TRDMT1: variants seen among roughly 807,000 people sequenced by gnomAD.
TRDMT1 encodes tRNA (cytosine(38)-C(5))-methyltransferase.
A neutral mutation model predicts 51.2 loss-of-function variants in TRDMT1; 49 were observed. The ratio of observed to expected loss-of-function variants is 0.96; its 90% CI spans 0.76 to 1.21. The LOEUF is 1.21. TRDMT1 is among the 50% of genes most tolerant of loss of function. The pLI, the probability that TRDMT1 is intolerant of heterozygous loss-of-function variation, is 0.00. For synonymous variants in TRDMT1, 187 were observed against 164.6 expected (o/e 1.14, Z -1.04); for missense variants, 534 against 462.3 (o/e 1.16, Z -1.42).
In TRDMT1 at chr10:17,141,138, T is replaced by C. The variant is rs1230663660; in HGVS notation, c.*7902A>G. On this transcript the variant is annotated 3_prime_UTR_variant, in exon 11 of 11. Coordinates refer to ENST00000377799, the MANE Select transcript of TRDMT1 (RefSeq NM_004412.7). Reference sequence around the variant, plus strand: ...TTGTGTCCCCCGCCCCATGGCAACGTGTCATTTTTCTCCAGCTGCTTTTAT... The same window carrying C: ...TTGTGTCCCCCGCCCCATGGCAACGCGTCATTTTTCTCCAGCTGCTTTTAT... 6.6e-6 allele frequency among the ~76,000 whole-genome samples: 1 copy of C among 152,170 alleles called. No individual in the cohort carries two copies. Among genetic ancestry groups the C allele is most frequent in the African/African-American group, 2.4e-5 (1 of 41,452 alleles).
Position 17,146,702 on chromosome 10 carries a change from G to A in TRDMT1, c.*2338C>T. The A allele has an allele frequency of 4.1e-6, 4 of 985,416 alleles. No homozygotes were observed. The highest frequency in any genetic ancestry group is 4.8e-6 in the Non-Finnish European group (4 of 829,932). The allele number at this position is 985,416 out of a possible 1,614,324, so 61.0% of individuals were successfully genotyped here. On this transcript the variant is annotated 3_prime_UTR_variant, in exon 11 of 11. Coordinates refer to ENST00000377799, the MANE Select transcript of TRDMT1 (RefSeq NM_004412.7). ...AGTTCTCCTGAAAATGAGAAGCTATGTTTTCCAACATCTGAATAAATGTAC... is the reference window on the plus strand; with the variant it reads ...AGTTCTCCTGAAAATGAGAAGCTATATTTTCCAACATCTGAATAAATGTAC...
intron 2 of TRDMT1, among the ~76,000 whole-genome samples, chr10:17,173,499 A>G (rs1842284797): frequency 6.6e-6 from 1 of 152,184 alleles, no homozygotes; most frequent in Non-Finnish European, 1.5e-5. Flanking sequence ...AACTTAATCC[A>G]TAATGAAAAG....
rs1221386705 is a variant in TRDMT1 at position 17,153,386 on chromosome 10, T to A, written c.1075+121A>T. ...CAGAAAGATGCCATAAATGGCATGA[T>A]CAGGAAAGGAAAGAGGTTTCTTGAG... On this transcript the variant is annotated intron_variant, in intron 10 of 10. Coordinates refer to ENST00000377799, the MANE Select transcript of TRDMT1 (RefSeq NM_004412.7). 4 of 1,145,356 alleles carry A rather than the reference T, an allele frequency of 3.5e-6. No homozygotes were observed. The East Asian group carries it at 1.0e-4, about 29-fold the overall frequency. 70.9% of individuals were successfully genotyped at this position (1,145,356 alleles called of 1,614,324 possible).
chr10:17,174,530 A>G (rs1435761603), intron 2 of TRDMT1, 21 bp downstream of exon 2: 2 of 1,530,416 alleles, frequency 1.3e-6, no homozygotes, highest in Non-Finnish European at 1.8e-6. Flanking sequence ...CATACTTATT[A>G]AAACAATGAC....
chr10:17,190,581 A>T (rs973746022), intron 1 of TRDMT1, among the ~76,000 whole-genome samples: 3 of 152,226 alleles, frequency 2.0e-5, no homozygotes, highest in Non-Finnish European at 2.9e-5. Flanking sequence ...AAATAAAAAG[A>T]ACAAAAATGT....
chr10:17,185,455 C>A (rs924733432), intron 1 of TRDMT1, among the ~76,000 whole-genome samples: 1 of 152,172 alleles, frequency 6.6e-6, no homozygotes, highest in African/African-American at 2.4e-5. Flanking sequence ...AATAGGAACA[C>A]TTTTACACTG....
At position 17,144,712 on chromosome 10, in the gene TRDMT1, G is replaced by A. The variant is rs1837954738; in HGVS notation, c.*4328C>T. ...TGAATGGTGATGGAGTTTGGATCTT[G>A]ATTGTGTAAGATTTTGAAGAGCATG... On this transcript the variant is annotated 3_prime_UTR_variant, in exon 11 of 11. Coordinates refer to ENST00000377799, the MANE Select transcript of TRDMT1 (RefSeq NM_004412.7). 2.0e-6 allele frequency: 2 copies of A among 985,402 alleles called. No individual in the cohort carries two copies. The highest frequency in any genetic ancestry group is 4.7e-5 in the South Asian group (1 of 21,290). The allele number at this position is 985,402 out of a possible 1,614,324, so 61.0% of individuals were successfully genotyped here.
At chr10:17,181,130 T>C (rs991073586) in intron 1 of TRDMT1, among the ~76,000 whole-genome samples, 1 of 152,178 alleles carries the variant, frequency 6.6e-6, no homozygotes, top group African/African-American at 2.4e-5. Flanking sequence ...CCTCTACAGC[T>C]AGATGCAGCC....
chr10:17,187,575 C>CA (rs939545866), intron 1 of TRDMT1, among the ~76,000 whole-genome samples: 17 of 152,008 alleles, frequency 1.1e-4, no homozygotes, highest in African/African-American at 4.1e-4. Flanking sequence ...CAAAATGCAA[C>CA]AAAAAAATCC....
Position 17,174,568 on chromosome 10 carries a change from G to A in TRDMT1, c.157C>T (p.Leu53Phe). 2 of 1,612,482 alleles carry A rather than the reference G, an allele frequency of 1.2e-6. No individual in the cohort carries two copies. Among genetic ancestry groups the A allele is most frequent in the African/African-American group, 1.3e-5 (1 of 75,018 alleles). ...TTACTCACTTCAATCGTCTTGGCAA[G>A]TAACTGTGTGTGAGGAAAATTATAC... ...YKYNFPHTQL[L>F]AKTIEGITLE... Residue 53 changes from leucine to phenylalanine, a missense_variant, in exon 2 of 11, where the codon CTT (leucine) becomes TTT (phenylalanine). Transcript: ENST00000377799.
At chr10:17,169,573 C>G (rs543811940) in intron 2 of TRDMT1, 10 of 1,274,776 alleles carry the variant, frequency 7.8e-6, no homozygotes, top group Non-Finnish European at 1.0e-5. Context: ...GGGAAGCACA[C>G]GTCAGGGGTT....
At position 17,146,452 on chromosome 10, in the gene TRDMT1, A is replaced by AC. The variant is rs1434708228; in HGVS notation, c.*2587dup. The AC allele has an allele frequency of 5.1e-6, 5 of 985,006 alleles. No individual in the cohort carries two copies. The highest frequency in any genetic ancestry group is 1.2e-4 in the Admixed American group (2 of 16,222). The allele number at this position is 985,006 out of a possible 1,614,324, so 61.0% of individuals were successfully genotyped here. ...CTGACCCCTCCTACAATGACTACCC[A>AC]CCTCTTCGAAATCATTTTCCAACTA... On this transcript the variant is annotated 3_prime_UTR_variant, in exon 11 of 11. Transcript: ENST00000377799.
At position 17,162,169 on chromosome 10, in the gene TRDMT1, G is replaced by A; in HGVS notation, c.320C>T (p.Pro107Leu). The A allele has an allele frequency of 6.2e-7, 1 of 1,608,782 alleles. No homozygotes were observed. The highest frequency in any genetic ancestry group is 8.5e-7 in the Non-Finnish European group (1 of 1,177,084). Residue 107 changes from proline (P) to leucine (L), a missense_variant, in exon 4 of 11, where the codon CCA becomes CTA. Physicochemically the swap from Pro to Leu is moderately conservative, Grantham distance 98 (BLOSUM62 -3). Coordinates refer to ENST00000377799, the MANE Select transcript of TRDMT1 (RefSeq NM_004412.7). ...NSFLHILDIL[P>L]RLQKLPKYIL... ...GTACAGGAACCTAAGTTTTTACCTT[G>A]GGAGAATATCTAGAATATGTAAGAA...
Position 17,145,688 on chromosome 10 carries a change from G to A in TRDMT1, c.*3352C>T. On this transcript the variant is annotated 3_prime_UTR_variant, in exon 11 of 11. Transcript: ENST00000377799. ...TTTGTCTATGTGGGATTAAAATTTGGTCCTTATTGTGTTATCTTGGCTTTT... is the reference window on the plus strand; with the variant it reads ...TTTGTCTATGTGGGATTAAAATTTGATCCTTATTGTGTTATCTTGGCTTTT... 2.0e-6 allele frequency: 2 copies of A among 985,408 alleles called. No homozygotes were observed. The highest frequency in any genetic ancestry group is 2.4e-6 in the Non-Finnish European group (2 of 829,936). 61.0% of individuals were successfully genotyped at this position (985,408 alleles called of 1,614,324 possible). A position where few individuals can be genotyped will look rare whatever the true frequency, so the allele number is the denominator to read the frequency against.
In TRDMT1 at chr10:17,161,513, T is replaced by G. The variant is rs771272604; in HGVS notation, c.359A>C (p.Asn120Thr). 1.5e-6 allele frequency: 2 copies of G among 1,351,484 alleles called. No homozygotes were observed. The highest frequency in any genetic ancestry group is 1.0e-6 in the Non-Finnish European group (1 of 998,852). The allele number at this position is 1,351,484 out of a possible 1,614,324, so 83.7% of individuals were successfully genotyped here. The change falls in exon 5 of 11, where the codon AAT (asparagine) becomes ACT (threonine). Residue 120 changes from asparagine (N) to threonine (T), a missense_variant. Physicochemically the swap from Asn to Thr is moderately conservative, Grantham distance 65. Transcript: ENST00000377799. ...QKLPKYILLE[N>T]VKGFEVSSTR... ...AGAAGATACTTCAAAACCTTTAACA[T>G]TTTCCAAAAGAATATACTTTGGTAA...
intron 3 of TRDMT1, among the ~76,000 whole-genome samples, chr10:17,163,824 T>C (rs1840770622): frequency 6.6e-6 from 1 of 152,122 alleles, no homozygotes; most frequent in South Asian, 2.1e-4. Flanking sequence ...CAGGAAGAAG[T>C]TGAATCTCTG....
intron 1 of TRDMT1, among the ~76,000 whole-genome samples, chr10:17,179,431 G>A (rs2038575): frequency 0.14 from 20,819 of 151,906 alleles, 1,524 homozygotes; most frequent in Admixed American, 0.17. Flanking sequence ...AAGAATATAG[G>A]TAACGAACGC....
Position 17,139,147 on chromosome 10 carries a change from A to T in TRDMT1, c.*9893T>A. On this transcript the variant is annotated 3_prime_UTR_variant, in exon 11 of 11. Coordinates refer to ENST00000377799, the MANE Select transcript of TRDMT1 (RefSeq NM_004412.7). ...AAGCTTGGTTTCCAAGGTGTGAAGC[A>T]ATGAAGCGGAGTTTACCATAGGTGA... 2 of 983,722 alleles carry T rather than the reference A, an allele frequency of 2.0e-6. No individual in the cohort carries two copies. Among genetic ancestry groups the T allele is most frequent in the Non-Finnish European group, 2.4e-6 (2 of 828,334 alleles). The allele number at this position is 983,722 out of a possible 1,614,324, so 60.9% of individuals were successfully genotyped here. A position where few individuals can be genotyped will look rare whatever the true frequency, so the allele number is the denominator to read the frequency against.
intron 1 of TRDMT1, among the ~76,000 whole-genome samples, chr10:17,198,586 C>T (rs992995246): frequency 2.6e-5 from 4 of 152,032 alleles, no homozygotes; most frequent in African/African-American, 4.8e-5. Flanking sequence ...ATGTGTGGTA[C>T]GCAGAGTAGA....
Sources: gnomAD v4.1 joint callset for allele counts (sites outside exome capture counted in the v4.1 genomes callset) on GRCh38, gnomAD v4.1.1 for gene constraint, MANE v1.5 for transcripts, NCBI Gene and HGNC (gene_info 2026-07-23, HGNC 2026-07-21) for gene names.